Variants in ZFAND2A observed in about 807,000 individuals in gnomAD.
ZFAND2A encodes the protein zinc finger AN1-type containing 2A, also known as AN1-type zinc finger protein 2A.
A neutral mutation model predicts 11.6 loss-of-function variants in ZFAND2A; 20 were observed. The ratio of observed to expected loss-of-function variants is 1.72; its 90% CI spans 1.21 to 2.50. The LOEUF is 2.50. Among genes scored for constraint, ZFAND2A ranks in the 30% most tolerant of loss-of-function variants. ZFAND2A has a pLI of 0.00. For synonymous variants in ZFAND2A, 93 were observed against 60.6 expected, an observed-to-expected ratio of 1.54 and a Z score of -2.48; for missense variants, 234 against 182.9, an observed-to-expected ratio of 1.28 and a Z score of -1.61.
intron 4 of ZFAND2A, 56 bp downstream of exon 4, chr7:1,155,397 C>CCCA: frequency 2.5e-6 from 4 of 1,589,866 alleles, no homozygotes; most frequent in Non-Finnish European, 3.4e-6. Context: ...ACTGACTCTT[C>CCCA]CCAAGGAAAA....
rs535383197 is a variant in ZFAND2A, at chr7:1,155,701, CT to C, written c.151-118del. 50 of 1,322,512 alleles carry C rather than the reference CT, an allele frequency of 3.8e-5. 1 individual carries two copies. In the South Asian group the frequency reaches 6.5e-4, roughly 17 times the overall value. 81.9% of individuals were successfully genotyped at this position (1,322,512 alleles called of 1,614,324 possible). A position where few individuals can be genotyped will look rare whatever the true frequency, so the allele number is the denominator to read the frequency against. ...ACACAAAGAGAGGACAAAAACCGGT[CT>C]CCCGAGCCCTCCGAGAACAAAGCAT... On this transcript the variant is annotated intron_variant, in intron 3 of 4. Coordinates refer to ENST00000316495, the MANE Select transcript of ZFAND2A (RefSeq NM_182491.4).
chr7:1,151,068 A>G (rs1793388788), downstream of ZFAND2A, among the ~76,000 whole-genome samples: 1 of 151,970 alleles, frequency 6.6e-6, no homozygotes. Flanking sequence ...TTTTTGTTTT[A>G]GTAGACATGG....
intron 2 of ZFAND2A, 35 bp downstream of exon 2, chr7:1,158,123 T>C: frequency 6.2e-7 from 1 of 1,602,724 alleles, no homozygotes; most frequent in Non-Finnish European, 8.5e-7. Context: ...CCCAACAAAA[T>C]ACCATTTTCT....
Position 1,153,555 on chromosome 7 carries a change from AGCC to A in ZFAND2A, c.283-334_283-332del, listed in dbSNP as rs1173883873. Among the ~76,000 whole-genome samples the A allele has an allele frequency of 1.2e-4, 19 of 152,322 alleles. No homozygotes were observed. In the East Asian group the frequency reaches 3.7e-3, roughly 29 times the overall value. On this transcript the variant is annotated intron_variant, in intron 4 of 4. Coordinates refer to ENST00000316495, the MANE Select transcript of ZFAND2A (RefSeq NM_182491.4). ...CTGTGCTGGCCTTAAATTCTTTAACAGCCTCCGGTAAGAACATTCCCATTTAAA... is the reference window on the plus strand; with the variant it reads ...CTGTGCTGGCCTTAAATTCTTTAACATCCGGTAAGAACATTCCCATTTAAA...
intron 1 of ZFAND2A, 102 bp from the exon 2 acceptor site, chr7:1,158,359 G>A (rs890284414): frequency 2.9e-6 from 2 of 694,186 alleles, no homozygotes; most frequent in African/African-American, 3.6e-5. Context: ...AACGCACTGT[G>A]TGGGGAGCAT....
chr7:1,155,496 A>G lies in ZFAND2A; in HGVS notation c.239T>C (p.Ile80Thr). 6.2e-7 allele frequency: 1 copy of G among 1,613,880 alleles called. No homozygotes were observed. Among genetic ancestry groups the G allele is most frequent in the South Asian group, 1.1e-5 (1 of 91,042 alleles). ...AGGGTGAGAGTCACAGTCTCTGTCA[A>G]TGTGATCACCAACCACCACGTCTGG... ...QIPDVVVGDH[I>T]DRDCDSHPGK... is the part of the protein sequence containing the mutation. The change falls in exon 4 of 5, where the codon ATT becomes ACT. Residue 80 changes from isoleucine to threonine, a missense_variant. Coordinates refer to ENST00000316495, the MANE Select transcript of ZFAND2A (RefSeq NM_182491.4).
chr7:1,157,877 A>C, intron 2 of ZFAND2A, 127 bp from the exon 3 acceptor site: 1 of 757,832 alleles, frequency 1.3e-6, no homozygotes, highest in Non-Finnish European at 2.1e-6. Flanking sequence ...CGAGGGCCAC[A>C]CATGTGAAAA....
chr7:1,158,110 T>TC (rs1562347472), intron 2 of ZFAND2A, 48 bp downstream of exon 2: 2 of 1,571,792 alleles, frequency 1.3e-6, no homozygotes, highest in East Asian at 2.2e-5. Flanking sequence ...CAGCCAGCTT[T>TC]CCCCCAACAA....
rs1460547969 is a variant in ZFAND2A, at chr7:1,152,970, T to G, written c.*99A>C. On this transcript the variant is annotated 3_prime_UTR_variant, in exon 5 of 5. Coordinates refer to ENST00000316495, the MANE Select transcript of ZFAND2A (RefSeq NM_182491.4). ...CTCAACAAACAAGATCAGCAGCCAG[T>G]GTGGGATGGTGCTCAATGGGGCTCC... 1 of 1,467,730 alleles carries G rather than the reference T, an allele frequency of 6.8e-7. No homozygotes were observed. Among genetic ancestry groups the G allele is most frequent in the South Asian group, 1.2e-5 (1 of 84,262 alleles). The allele number at this position is 1,467,730 out of a possible 1,614,324, so 90.9% of individuals were successfully genotyped here.
chr7:1,152,178 C>A, downstream of ZFAND2A: 5 of 1,499,698 alleles, frequency 3.3e-6, no homozygotes, highest in Non-Finnish European at 4.5e-6. Flanking sequence ...TTACACACAG[C>A]AACCTTTCCG....
At chr7:1,154,516 T>C (rs1456710185) in intron 4 of ZFAND2A, among the ~76,000 whole-genome samples, 2 of 152,084 alleles carry the variant, frequency 1.3e-5, no homozygotes, top group Non-Finnish European at 2.9e-5. Flanking sequence ...AAGAAGCGGG[T>C]GTGCCAGAGA....
At chr7:1,152,258 T>A, downstream of ZFAND2A, 1 of 1,575,414 alleles carries the variant, frequency 6.3e-7, no homozygotes, top group Non-Finnish European at 8.6e-7. Flanking sequence ...GGTGAACCAG[T>A]ACCCGAGTCG....
downstream of ZFAND2A, among the ~76,000 whole-genome samples, chr7:1,151,694 G>A (rs1370948099): frequency 6.9e-6 from 1 of 145,234 alleles, no homozygotes; most frequent in Non-Finnish European, 1.5e-5. Flanking sequence ...GGAAGGCAGA[G>A]GTGGCAGTGA....
At chr7:1,154,687 A>C (rs148097282) in intron 4 of ZFAND2A, among the ~76,000 whole-genome samples, 3 of 152,218 alleles carry the variant, frequency 2.0e-5, no homozygotes, top group Non-Finnish European at 2.9e-5. Context: ...TTTATTCTCT[A>C]TGTTTGAGAC....
chr7:1,155,680 A>G (rs1793509941), intron 3 of ZFAND2A, 96 bp from the exon 4 acceptor site: 1 of 1,489,358 alleles, frequency 6.7e-7, no homozygotes, highest in Admixed American at 2.1e-5. Context: ...ACTTAAACAC[A>G]AAGAGAGGAC....
downstream of ZFAND2A, among the ~76,000 whole-genome samples, chr7:1,151,697 G>A (rs868151620): frequency 8.1e-5 from 12 of 147,298 alleles, no homozygotes; most frequent in African/African-American, 2.5e-4. Flanking sequence ...AGGCAGAGGT[G>A]GCAGTGAGCT....
intron 3 of ZFAND2A, among the ~76,000 whole-genome samples, chr7:1,156,626 G>A (rs1793531652): frequency 6.6e-6 from 1 of 152,244 alleles, no homozygotes; most frequent in Admixed American, 6.5e-5. Flanking sequence ...GCCCAGCATG[G>A]CTAAAAACCT....
At chr7:1,155,325 G>T in intron 4 of ZFAND2A, 128 bp downstream of exon 4, 1 of 1,352,916 alleles carries the variant, frequency 7.4e-7, no homozygotes, top group South Asian at 1.5e-5. Context: ...GGATAACGCA[G>T]CGTTAGGACT....
At position 1,158,180 on chromosome 7, in the gene ZFAND2A, T is replaced by C. The variant is rs1323167870; in HGVS notation, c.33A>G (p.Ser11=). 2.5e-6 allele frequency: 4 copies of C among 1,614,214 alleles called. No homozygotes were observed. The Admixed American group carries it at 6.7e-5, about 27-fold the overall frequency. MEFPDLGKHC[S]EKTCKQLDFL... is the part of the protein sequence containing the mutation. ...CACCTAGCTGCTTGCAAGTCTTTTC[T>C]GAACAATGCTTCCCCAAATCAGGAA... The change falls in exon 2 of 5, where the codon TCA becomes TCG. Residue 11 remains serine (S), a synonymous_variant. Coordinates refer to ENST00000316495, the MANE Select transcript of ZFAND2A (RefSeq NM_182491.4).
Sources: allele counts gnomAD v4.1 joint callset (sites outside exome capture counted in the v4.1 genomes callset), GRCh38; gene constraint gnomAD v4.1.1; transcripts MANE v1.5; gene names NCBI Gene and HGNC (gene_info 2026-07-23, HGNC 2026-07-21).